COL26A1: variants seen among roughly 807,000 people sequenced by gnomAD.
COL26A1 encodes the protein collagen type XXVI alpha 1 chain.
COL26A1 carries 41 observed loss-of-function variants against 59.3 expected under a neutral mutation model. That is an observed-to-expected ratio of 0.69 (90% confidence interval 0.54 to 0.90). COL26A1 has a LOEUF of 0.90. Among genes scored for constraint, COL26A1 ranks in the 40% least tolerant of loss-of-function variants. The pLI is 0.00. For missense variants in COL26A1, 612 were observed against 602.3 expected, an observed-to-expected ratio of 1.02 and a Z score of -0.17; for synonymous variants, 266 against 256.0, an observed-to-expected ratio of 1.04 and a Z score of -0.37.
At chr7:101,484,865 T>TTAA (rs1337781942) in intron 3 of COL26A1, among the ~76,000 whole-genome samples, 1 of 148,914 alleles carries the variant, frequency 6.7e-6, no homozygotes, top group Non-Finnish European at 1.5e-5. Context: ...AATTAATTAA[T>TTAA]TTTTTTGAGA....
intron 3 of COL26A1, among the ~76,000 whole-genome samples, chr7:101,519,170 G>T (rs1795089643): frequency 6.6e-6 from 1 of 152,336 alleles, no homozygotes; most frequent in Admixed American, 6.5e-5. Flanking sequence ...CACAGGTACA[G>T]ATATGGCCCC....
intron 3 of COL26A1, among the ~76,000 whole-genome samples, chr7:101,471,571 G>GTTTTTTTTT (rs71517177): frequency 4.3e-5 from 4 of 93,012 alleles, no homozygotes; most frequent in Admixed American, 1.2e-4. Flanking sequence ...GTTGTTGTTT[G>GTTTTTTTTT]TTTTTTTTTT....
intron 3 of COL26A1, among the ~76,000 whole-genome samples, chr7:101,514,882 T>G: frequency 6.6e-6 from 1 of 152,140 alleles, no homozygotes. Context: ...AGATCTAGGC[T>G]CCCTTCCCGG....
intron 1 of COL26A1, among the ~76,000 whole-genome samples, chr7:101,387,066 G>T (rs1273447780): frequency 6.6e-6 from 1 of 152,178 alleles, no homozygotes; most frequent in African/African-American, 2.4e-5. Context: ...TGGGTAGCTT[G>T]CAGGATGGAT....
chr7:101,441,958 T>A (rs1360435288), intron 2 of COL26A1, among the ~76,000 whole-genome samples: 1 of 152,016 alleles, frequency 6.6e-6, no homozygotes, highest in African/African-American at 2.4e-5. Flanking sequence ...CTCAGAGAGG[T>A]TTAGGTACCT....
At chr7:101,455,303 C>G (rs1793442738) in intron 3 of COL26A1, among the ~76,000 whole-genome samples, 1 of 151,960 alleles carries the variant, frequency 6.6e-6, no homozygotes, top group South Asian at 2.1e-4. Context: ...CTAGACCTCC[C>G]AAAGTGCTGG....
At chr7:101,531,627 G>T (rs993374945) in intron 3 of COL26A1, among the ~76,000 whole-genome samples, 1 of 152,224 alleles carries the variant, frequency 6.6e-6, no homozygotes, top group African/African-American at 2.4e-5. Context: ...CTGAGGAGCA[G>T]CGAGTAGGGT....
intron 1 of COL26A1, among the ~76,000 whole-genome samples, chr7:101,409,097 G>A (rs1792189189): frequency 6.6e-6 from 1 of 152,154 alleles, no homozygotes; most frequent in Non-Finnish European, 1.5e-5. Flanking sequence ...CCCAGATTTG[G>A]GTGAAGATGA....
At position 101,551,054 on chromosome 7, in the gene COL26A1, T is replaced by C. The variant is rs1023355315; in HGVS notation, c.994-54T>C. ...GGGGAGGGGGGTGGCCAGAGGGCAC[T>C]GGAGACTTGGCCAGGACCGGCAGGC... On this transcript the variant is annotated intron_variant, in intron 9 of 12. Coordinates refer to ENST00000313669, the MANE Select transcript of COL26A1 (RefSeq NM_001278563.3). 31 of 1,543,894 alleles carry C rather than the reference T, an allele frequency of 2.0e-5. No homozygotes were observed. The African/African-American group carries it at 3.2e-4, about 16-fold the overall frequency.
chr7:101,431,046 C>T (rs1430786174), intron 2 of COL26A1, among the ~76,000 whole-genome samples: 3 of 152,044 alleles, frequency 2.0e-5, no homozygotes, highest in Non-Finnish European at 2.9e-5. Context: ...AAGTGATCCA[C>T]CTGCCTCAGC....
intron 3 of COL26A1, among the ~76,000 whole-genome samples, chr7:101,512,537 G>T (rs951338733): frequency 6.6e-6 from 1 of 152,116 alleles, no homozygotes; most frequent in Non-Finnish European, 1.5e-5. Flanking sequence ...CAGGAGGGTC[G>T]CCTGAGTCCA....
chr7:101,464,822 C>T (rs1156829652), intron 3 of COL26A1, among the ~76,000 whole-genome samples: 1 of 152,072 alleles, frequency 6.6e-6, no homozygotes, highest in Non-Finnish European at 1.5e-5. Context: ...AGTAATCCTC[C>T]CACCTCAGCT....
chr7:101,467,312 A>ATCAAGACCATCCTGGCTAACAC (rs1554416783), intron 3 of COL26A1, among the ~76,000 whole-genome samples: 2 of 135,896 alleles, frequency 1.5e-5, no homozygotes, highest in Admixed American at 8.2e-5. Context: ...CTGCAGATAG[A>ATCAAGACCATCCTGGCTAACAC]GAGGGGCTGC....
At chr7:101,364,082 G>A (rs1201033896) in intron 1 of COL26A1, among the ~76,000 whole-genome samples, 1 of 152,222 alleles carries the variant, frequency 6.6e-6, no homozygotes, top group East Asian at 1.9e-4. Context: ...GCCGGGACCC[G>A]CCAGGCGTCT....
chr7:101,533,617 C>T (rs6972296), intron 4 of COL26A1, among the ~76,000 whole-genome samples: 18,631 of 152,134 alleles, frequency 0.12, 1,500 homozygotes, highest in African/African-American at 0.22. Flanking sequence ...AAGGAATCCA[C>T]AAAGGACAAG....
intron 3 of COL26A1, among the ~76,000 whole-genome samples, chr7:101,459,890 G>A (rs1793569113): frequency 1.3e-5 from 2 of 152,102 alleles, no homozygotes; most frequent in African/African-American, 4.8e-5. Flanking sequence ...TTGAGTCCAA[G>A]GCGATGCTAA....
At chr7:101,494,995 C>A (rs1423238611) in intron 3 of COL26A1, among the ~76,000 whole-genome samples, 1 of 152,194 alleles carries the variant, frequency 6.6e-6, no homozygotes, top group Non-Finnish European at 1.5e-5. Flanking sequence ...AAACCCTCCC[C>A]CTGGCGAAAG....
At chr7:101,447,483 C>T (rs1022327347) in intron 2 of COL26A1, among the ~76,000 whole-genome samples, 3 of 152,222 alleles carry the variant, frequency 2.0e-5, no homozygotes, top group Non-Finnish European at 2.9e-5. Flanking sequence ...TGATCTCTTT[C>T]GTTGTCATAA....
intron 1 of COL26A1, among the ~76,000 whole-genome samples, chr7:101,363,701 C>T (rs551903153): frequency 2.0e-5 from 3 of 152,060 alleles, no homozygotes; most frequent in East Asian, 3.9e-4. Context: ...CCTGTCCCTT[C>T]CTTTCTTCGC....
Sources: gnomAD v4.1 joint callset for allele counts (sites outside exome capture counted in the v4.1 genomes callset) on GRCh38, gnomAD v4.1.1 for gene constraint, MANE v1.5 for transcripts, NCBI Gene and HGNC (gene_info 2026-07-23, HGNC 2026-07-21) for gene names.